The following AGMO variants were observed in gnomAD, a reference collection of about 807,000 sequenced individuals.
AGMO encodes the protein glyceryl-ether monooxygenase.
AGMO carries 75 observed loss-of-function variants against 60.2 expected under a neutral mutation model. That is an observed-to-expected ratio of 1.25 (90% confidence interval 1.03 to 1.51). AGMO has a LOEUF of 1.51. AGMO is among the 40% of genes most tolerant of loss of function. AGMO has a pLI of 0.00. For missense variants in AGMO, 763 were observed against 525.5 expected (o/e 1.45, Z -4.42); for synonymous variants, 261 against 177.1 (o/e 1.47, Z -3.76).
intron 12 of AGMO, among the ~76,000 whole-genome samples, chr7:15,272,982 G>T (rs1450575446): frequency 1.3e-5 from 2 of 151,770 alleles, no homozygotes; most frequent in East Asian, 3.9e-4. Context: ...TTGATGGGTT[G>T]TTTTTTTCTT....
intron 12 of AGMO, among the ~76,000 whole-genome samples, chr7:15,281,294 C>A (rs1250320768): frequency 3.3e-5 from 5 of 152,180 alleles, no homozygotes; most frequent in Non-Finnish European, 4.4e-5. Flanking sequence ...CTCCCCTTGT[C>A]CACCACTGCA....
chr7:15,528,712 G>A lies in AGMO; in HGVS notation c.409+16060C>T, dbSNP rs530544963. 7.9e-5 allele frequency among the ~76,000 whole-genome samples: 12 copies of A among 152,102 alleles called. No individual in the cohort carries two copies. In the East Asian group the frequency reaches 1.5e-3, roughly 20 times the overall value. ...TGCCCAGGCTGGAGTGCAATGGCACGATCTCGGCTCACCGCAACCTCCGCC... is the reference window on the plus strand; with the variant it reads ...TGCCCAGGCTGGAGTGCAATGGCACAATCTCGGCTCACCGCAACCTCCGCC... On this transcript the variant is annotated intron_variant, in intron 3 of 12. Coordinates refer to ENST00000342526, the MANE Select transcript of AGMO (RefSeq NM_001004320.2).
intron 12 of AGMO, among the ~76,000 whole-genome samples, chr7:15,234,810 A>G (rs931760454): frequency 6.6e-6 from 1 of 152,200 alleles, no homozygotes; most frequent in Non-Finnish European, 1.5e-5. Context: ...ACTGAATATT[A>G]TTCTTCTTTT....
chr7:15,494,839 G>A (rs557966679), intron 3 of AGMO, among the ~76,000 whole-genome samples: 5 of 152,306 alleles, frequency 3.3e-5, no homozygotes, highest in African/African-American at 4.8e-5. Context: ...AGGCAAAGCC[G>A]CTTCTCTCTC....
At chr7:15,307,253 T>C (rs1382078311) in intron 12 of AGMO, among the ~76,000 whole-genome samples, 1 of 152,058 alleles carries the variant, frequency 6.6e-6, no homozygotes, top group Non-Finnish European at 1.5e-5. Flanking sequence ...GTGGGAATCC[T>C]TGTTTGACAT....
At chr7:15,326,988 T>G (rs1046909935) in intron 12 of AGMO, among the ~76,000 whole-genome samples, 1 of 152,190 alleles carries the variant, frequency 6.6e-6, no homozygotes. Context: ...ATTTTTTGTC[T>G]TAATGTAAAT....
chr7:15,465,116 C>T (rs1782245050), intron 3 of AGMO, among the ~76,000 whole-genome samples: 1 of 151,926 alleles, frequency 6.6e-6, no homozygotes, highest in Admixed American at 6.6e-5. Flanking sequence ...AAAGTCTTTA[C>T]TCTGTGTGTT....
At chr7:15,174,147 C>A in the AGMO span, among the ~76,000 whole-genome samples, 1 of 151,808 alleles carries the variant, frequency 6.6e-6, no homozygotes, top group Non-Finnish European at 1.5e-5. Context: ...CTATGTATTT[C>A]TTGAATGTCT....
chr7:15,246,273 G>A (rs1334713533), intron 12 of AGMO, among the ~76,000 whole-genome samples: 2 of 151,932 alleles, frequency 1.3e-5, no homozygotes, highest in African/African-American at 2.4e-5. Flanking sequence ...GGCTGTATTT[G>A]GTACTCAAAA....
At chr7:15,449,094 G>C (rs1781787911) in intron 3 of AGMO, among the ~76,000 whole-genome samples, 1 of 152,092 alleles carries the variant, frequency 6.6e-6, no homozygotes, top group Non-Finnish European at 1.5e-5. Flanking sequence ...GTAATGCAAA[G>C]TTTGTTGTTT....
chr7:15,208,051 T>A (rs1283148452), intron 12 of AGMO, among the ~76,000 whole-genome samples: 1 of 152,224 alleles, frequency 6.6e-6, no homozygotes, highest in East Asian at 1.9e-4. Context: ...GATTTATAAA[T>A]CATGAATCAC....
At chr7:15,535,609 A>G (rs556556791) in intron 3 of AGMO, among the ~76,000 whole-genome samples, 2 of 152,026 alleles carry the variant, frequency 1.3e-5, no homozygotes, top group East Asian at 3.9e-4. Flanking sequence ...TTCCCTCGTT[A>G]GGATGTAAGC....
At chr7:15,275,520 G>C (rs1783755917) in intron 12 of AGMO, among the ~76,000 whole-genome samples, 1 of 152,078 alleles carries the variant, frequency 6.6e-6, no homozygotes, top group Non-Finnish European at 1.5e-5. Context: ...TGTATATTCT[G>C]TAGTTGTTGG....
the AGMO span, among the ~76,000 whole-genome samples, chr7:15,120,237 C>A: frequency 3.9e-5 from 6 of 152,092 alleles, no homozygotes; most frequent in Admixed American, 3.3e-4. Context: ...TTTACCCTCA[C>A]CACTCCACTA....
intron 12 of AGMO, among the ~76,000 whole-genome samples, chr7:15,240,957 G>A (rs1241105178): frequency 6.6e-6 from 1 of 152,104 alleles, no homozygotes; most frequent in African/African-American, 2.4e-5. Context: ...TTTGAACTAG[G>A]TCTTTCTCCA....
chr7:15,449,678 C>T (rs528295720), intron 3 of AGMO, among the ~76,000 whole-genome samples: 1 of 152,298 alleles, frequency 6.6e-6, no homozygotes, highest in South Asian at 2.1e-4. Flanking sequence ...AATTGTCTAA[C>T]TGCACATTAC....
At chr7:15,117,456 A>C in the AGMO span, among the ~76,000 whole-genome samples, 3 of 152,036 alleles carry the variant, frequency 2.0e-5, no homozygotes, top group Non-Finnish European at 4.4e-5. Flanking sequence ...GTCAAAATGC[A>C]AAGAATTTTA....
chr7:15,298,045 T>C (rs761061390), intron 12 of AGMO, among the ~76,000 whole-genome samples: 1 of 152,178 alleles, frequency 6.6e-6, no homozygotes, highest in Non-Finnish European at 1.5e-5. Context: ...AAGGGAGCCA[T>C]ACAAATTTAT....
At chr7:15,559,540 A>C (rs1785244267) in intron 2 of AGMO, among the ~76,000 whole-genome samples, 1 of 152,092 alleles carries the variant, frequency 6.6e-6, no homozygotes. Context: ...CAAGTAGTAA[A>C]GCATGACAGG....
Sources: allele counts gnomAD v4.1 joint callset (sites outside exome capture counted in the v4.1 genomes callset), GRCh38; gene constraint gnomAD v4.1.1; transcripts MANE v1.5; gene names NCBI Gene and HGNC (gene_info 2026-07-23, HGNC 2026-07-21).